Variants in TBC1D16 observed in about 807,000 individuals in gnomAD.
The protein encoded by TBC1D16 is CTD-2529O21.1.
A neutral mutation model predicts 74.7 loss-of-function variants in TBC1D16; 58 were observed. The ratio of observed to expected loss-of-function variants is 0.78; its 90% CI spans 0.63 to 0.97. The LOEUF (loss-of-function observed/expected upper bound fraction) is 0.97, where lower values mean the gene tolerates loss of function less well. TBC1D16 is among the 50% of genes least tolerant of loss of function. The probability of loss-of-function intolerance (pLI) is 0.00; values close to 1 mark genes in which losing one functional copy is unlikely to be tolerated. For synonymous variants in TBC1D16, 493 were observed against 474.7 expected (o/e 1.04, Z -0.50); for missense variants, 1,014 against 1,079.5 (o/e 0.94, Z 0.85).
chr17:79,952,821 G>A lies in TBC1D16; in HGVS notation c.780-3C>T. The A allele has an allele frequency of 1.2e-6, 2 of 1,604,792 alleles. No individual in the cohort carries two copies. Among genetic ancestry groups the A allele is most frequent in the Non-Finnish European group, 1.7e-6 (2 of 1,175,108 alleles). On this transcript the variant is annotated splice_region_variant and splice_polypyrimidine_tract_variant and intron_variant, in intron 3 of 11. Transcript: ENST00000310924. ...CGGCGTCGGAGCTGGACGGGGGGCT[G>A]GTGGAACAGGTTATGTGATGATCGC...
At chr17:80,025,430 C>T (rs4533317) in intron 1 of TBC1D16, among the ~76,000 whole-genome samples, 145,549 of 149,522 alleles carry the variant, frequency 0.97, 71,163 homozygotes, top group Non-Finnish European at 0.99. Flanking sequence ...TGTCACCGGG[C>T]GGCAGGAAGT....
chr17:79,984,067 G>A (rs112415372), intron 3 of TBC1D16, among the ~76,000 whole-genome samples: 4 of 142,550 alleles, frequency 2.8e-5, no homozygotes, highest in Admixed American at 1.4e-4. Context: ...ATGGCGGGGT[G>A]GGGGGGCGGG....
At position 79,996,183 on chromosome 17, in the gene TBC1D16, A is replaced by C. The variant is rs145613981; in HGVS notation, c.779+13977T>G. On this transcript the variant is annotated intron_variant, in intron 3 of 11. Coordinates refer to ENST00000310924, the MANE Select transcript of TBC1D16 (RefSeq NM_019020.4). ...AACAGGAATAAAAAAGCAGGTTGTT[A>C]CCTGTCACTAGAACAATATTATCGC... Among the ~76,000 whole-genome samples the C allele has an allele frequency of 1.4e-3, 216 of 152,354 alleles. 1 individual carries two copies. The highest frequency in any genetic ancestry group is 4.9e-3 in the African/African-American group (205 of 41,578).
At chr17:80,006,664 CT>C (rs528216270) in intron 3 of TBC1D16, among the ~76,000 whole-genome samples, 3,151 of 147,236 alleles carry the variant, frequency 0.021, 37 homozygotes, top group Middle Eastern at 0.064. Context: ...TTCTTTCTTT[CT>C]TTTTTTTTTT....
chr17:80,032,777 C>T (rs1009645470), intron 1 of TBC1D16, among the ~76,000 whole-genome samples: 4 of 152,172 alleles, frequency 2.6e-5, no homozygotes, highest in African/African-American at 7.2e-5. Context: ...TCATCCTCTG[C>T]GCTGTCACCT....
Position 79,994,212 on chromosome 17 carries a change from C to T in TBC1D16, c.779+15948G>A, listed in dbSNP as rs1387316352. Among the ~76,000 whole-genome samples, 3 of 151,722 alleles carry T rather than the reference C, an allele frequency of 2.0e-5. No homozygotes were observed. Among genetic ancestry groups the T allele is most frequent in the Non-Finnish European group, 2.9e-5 (2 of 67,980 alleles). On this transcript the variant is annotated intron_variant, in intron 3 of 11. Transcript: ENST00000310924. This position sits in a 1 kb window ranked among gnomAD's most constrained non-coding sequence, Gnocchi z 4.6. Reference sequence around the variant, plus strand: ...GCCCACCAGATGCACTGGCTCCGCCCCCATCTCTTTAGAATCCAGCTCCCT... The same window carrying T: ...GCCCACCAGATGCACTGGCTCCGCCTCCATCTCTTTAGAATCCAGCTCCCT...
At position 79,987,250 on chromosome 17, in the gene TBC1D16, CT is replaced by C. The variant is rs1304868237; in HGVS notation, c.779+22909del. Reference sequence around the variant, plus strand: ...ATTTCTTTAAGGAATTTTTTTTTTACTTTTTTTTCAGACTGGGTCTTGCTCT... The same window carrying C: ...ATTTCTTTAAGGAATTTTTTTTTTACTTTTTTTCAGACTGGGTCTTGCTCT... On this transcript the variant is annotated intron_variant, in intron 3 of 11. Coordinates refer to ENST00000310924, the MANE Select transcript of TBC1D16 (RefSeq NM_019020.4). The surrounding 1 kb of genome is among the most constrained non-coding windows in gnomAD (Gnocchi z 5.2). 6.6e-6 allele frequency among the ~76,000 whole-genome samples: 1 copy of C among 151,300 alleles called. No homozygotes were observed. The highest frequency in any genetic ancestry group is 1.5e-5 in the Non-Finnish European group (1 of 67,778).
rs1446401086 is a variant in TBC1D16, at chr17:79,937,252, G to C, written c.*3607C>G. On this transcript the variant is annotated 3_prime_UTR_variant, in exon 12 of 12. Coordinates refer to ENST00000310924, the MANE Select transcript of TBC1D16 (RefSeq NM_019020.4). ...ACAAGAAGCAGACGAGGGGGCTCAG[G>C]GGGGCGGGCCTCACAGGAACGGAAG... 2 of 76,522 alleles carry C rather than the reference G, an allele frequency of 2.6e-5. No homozygotes were observed. The highest frequency in any genetic ancestry group is 6.3e-5 in the Non-Finnish European group (2 of 31,520). The allele number at this position is 76,522 out of a possible 1,614,324, so 4.7% of individuals were successfully genotyped here.
rs199724317 is a variant in TBC1D16 at position 79,971,024 on chromosome 17, A to ATTT, written c.780-18209_780-18207dup. Among the ~76,000 whole-genome samples the ATTT allele has an allele frequency of 6.9e-6, 1 of 144,152 alleles. No individual in the cohort carries two copies. Among genetic ancestry groups the ATTT allele is most frequent in the Non-Finnish European group, 1.5e-5 (1 of 66,148 alleles). 94.6% of individuals were successfully genotyped at this position (144,152 alleles called of 152,430 possible). A position where few individuals can be genotyped will look rare whatever the true frequency, so the allele number is the denominator to read the frequency against. ...ATTAATATACACTCCCTGTATTTTT[A>ATTT]TTTTTTATTTTTTTTTGAGATGGAG... is the stretch of plus-strand genomic sequence containing the variant. On this transcript the variant is annotated intron_variant, in intron 3 of 11. Transcript: ENST00000310924. This position sits in a 1 kb window ranked among gnomAD's most constrained non-coding sequence, Gnocchi z 4.6.
chr17:80,008,875 C>T lies in TBC1D16; in HGVS notation c.779+1285G>A, dbSNP rs777392893. Among the ~76,000 whole-genome samples, 1 of 152,242 alleles carries T rather than the reference C, an allele frequency of 6.6e-6. No individual in the cohort carries two copies. Among genetic ancestry groups the T allele is most frequent in the African/African-American group, 2.4e-5 (1 of 41,468 alleles). ...TCACCCCTGCTGAGGCCAGCAAAGC[C>T]TGTGTCCTTACTTCATGCCCCACCA... On this transcript the variant is annotated intron_variant, in intron 3 of 11. Coordinates refer to ENST00000310924, the MANE Select transcript of TBC1D16 (RefSeq NM_019020.4). The surrounding 1 kb of genome is among the most constrained non-coding windows in gnomAD (Gnocchi z 4.5).
chr17:79,954,659 G>A lies in TBC1D16; in HGVS notation c.780-1841C>T, dbSNP rs1375812715. On this transcript the variant is annotated intron_variant, in intron 3 of 11. Coordinates refer to ENST00000310924, the MANE Select transcript of TBC1D16 (RefSeq NM_019020.4). This position sits in a 1 kb window ranked among gnomAD's most constrained non-coding sequence, Gnocchi z 5.5. ...ACAACACAGGGCAGGTCTCGAGTCT[G>A]AGGCCCCACCGCACCCATGGGTGCC... Among the ~76,000 whole-genome samples, 3 of 152,162 alleles carry A rather than the reference G, an allele frequency of 2.0e-5. No individual in the cohort carries two copies. Among genetic ancestry groups the A allele is most frequent in the Non-Finnish European group, 4.4e-5 (3 of 68,010 alleles).
At chr17:79,977,001 TA>T (rs964238853) in intron 3 of TBC1D16, among the ~76,000 whole-genome samples, 2 of 152,134 alleles carry the variant, frequency 1.3e-5, no homozygotes, top group Non-Finnish European at 2.9e-5. Context: ...TCTGGTGACT[TA>T]AAACAAAAGT....
chr17:79,962,372 G>A (rs756521685), intron 3 of TBC1D16, among the ~76,000 whole-genome samples: 20 of 151,268 alleles, frequency 1.3e-4, no homozygotes, highest in Non-Finnish European at 1.8e-4. Context: ...CCGCCACCAC[G>A]CCTGGCTAAT....
chr17:80,016,721 T>C (rs66971926), intron 1 of TBC1D16, among the ~76,000 whole-genome samples: 18,007 of 152,172 alleles, frequency 0.12, 1,334 homozygotes, highest in East Asian at 0.17. Context: ...ACCAGGCGGC[T>C]CAGCGCTCTC....
rs1365265205 is a variant in TBC1D16, at chr17:80,035,574, C to T, written c.-63+221G>A. Among the ~76,000 whole-genome samples the T allele has an allele frequency of 6.6e-6, 1 of 151,960 alleles. No individual in the cohort carries two copies. The highest frequency in any genetic ancestry group is 1.5e-5 in the Non-Finnish European group (1 of 67,964). ...GGGGAAAAGTCCCCAGGTGCCCCTC[C>T]GTGATCCAGGTCCTCCCACAACGCT... On this transcript the variant is annotated intron_variant, in intron 1 of 11. Coordinates refer to ENST00000310924, the MANE Select transcript of TBC1D16 (RefSeq NM_019020.4). The surrounding 1 kb of genome is among the most constrained non-coding windows in gnomAD (Gnocchi z 5.3).
In TBC1D16 at chr17:79,990,271, C is replaced by T. The variant is rs1287206897; in HGVS notation, c.779+19889G>A. Among the ~76,000 whole-genome samples, 4 of 152,204 alleles carry T rather than the reference C, an allele frequency of 2.6e-5. No homozygotes were observed. Among genetic ancestry groups the T allele is most frequent in the East Asian group, 3.9e-4 (2 of 5,186 alleles). ...GGCGTGTGCGGTGACGGGTCTCGGG[C>T]GCCCAGCCAGCGAGGGGCCGGCTCC... On this transcript the variant is annotated intron_variant, in intron 3 of 11. Coordinates refer to ENST00000310924, the MANE Select transcript of TBC1D16 (RefSeq NM_019020.4). The surrounding 1 kb of genome is among the most constrained non-coding windows in gnomAD (Gnocchi z 4.8).
At chr17:80,021,390 G>A (rs183925017) in intron 1 of TBC1D16, among the ~76,000 whole-genome samples, 2 of 149,834 alleles carry the variant, frequency 1.3e-5, no homozygotes, top group Admixed American at 6.6e-5. Context: ...AGCCCAGGAC[G>A]TCGAGGCTGC....
chr17:79,986,553 C>G lies in TBC1D16; in HGVS notation c.779+23607G>C, dbSNP rs1000043338. 7.9e-5 allele frequency among the ~76,000 whole-genome samples: 12 copies of G among 152,160 alleles called. No individual in the cohort carries two copies. Among genetic ancestry groups the G allele is most frequent in the African/African-American group, 2.7e-4 (11 of 41,422 alleles). ...CCACCAGAAAAGGCCAAAGAGAGAC[C>G]ACACGTGCCGCCCCCTGCCGAAGCC... On this transcript the variant is annotated intron_variant, in intron 3 of 11. Transcript: ENST00000310924. The surrounding 1 kb of genome is among the most constrained non-coding windows in gnomAD (Gnocchi z 6.0).
At chr17:79,966,351 A>C (rs1310463680) in intron 3 of TBC1D16, among the ~76,000 whole-genome samples, 1 of 152,116 alleles carries the variant, frequency 6.6e-6, no homozygotes, top group Non-Finnish European at 1.5e-5. Flanking sequence ...GTGGACATGA[A>C]TTTGAGGGAA....
Sources: allele counts gnomAD v4.1 joint callset (sites outside exome capture counted in the v4.1 genomes callset), GRCh38; gene constraint gnomAD v4.1.1; non-coding constraint Gnocchi (gnomAD v3.1); transcripts MANE v1.5; gene names NCBI Gene and HGNC (gene_info 2026-07-23, HGNC 2026-07-21).